Variants in PIEZO2 observed in about 807,000 individuals in gnomAD.
PIEZO2 encodes piezo-type mechanosensitive ion channel component 2.
PIEZO2 carries 172 observed loss-of-function variants against 337.3 expected under a neutral mutation model. The ratio of observed to expected loss-of-function variants is 0.51; its 90% confidence interval spans 0.45 to 0.58. PIEZO2 has a LOEUF of 0.58. PIEZO2 is among the 20% of genes least tolerant of loss of function. The probability of loss-of-function intolerance (pLI) is 0.00; values close to 1 mark genes in which losing one functional copy is unlikely to be tolerated. For missense variants in PIEZO2, 3,028 were observed against 3,391.3 expected, an observed-to-expected ratio of 0.89 and a Z score of 2.66; for synonymous variants, 1,251 against 1,228.5, an observed-to-expected ratio of 1.02 and a Z score of -0.38.
rs1305936696 is a variant in PIEZO2 at position 11,131,593 on chromosome 18, G to A, written c.64+16932C>T. Among the ~76,000 whole-genome samples the A allele has an allele frequency of 6.6e-6, 1 of 152,220 alleles. No homozygotes were observed. The highest frequency in any genetic ancestry group is 1.5e-5 in the Non-Finnish European group (1 of 68,044). On this transcript the variant is annotated intron_variant, in intron 1 of 55. Coordinates refer to ENST00000674853, the MANE Select transcript of PIEZO2 (RefSeq NM_001378183.1). The surrounding 1 kb of genome is among the most constrained non-coding windows in gnomAD (Gnocchi z 5.3). ...GGCAGAACTTCGAGCCATGCACCTG[G>A]CTGTGCACGTTGCATGGAAGAAGAA...
rs1009601313 is a variant in PIEZO2 at position 10,713,639 on chromosome 18, C to T, written c.5423+1125G>A. 3.9e-5 allele frequency among the ~76,000 whole-genome samples: 6 copies of T among 152,182 alleles called. No homozygotes were observed. The highest frequency in any genetic ancestry group is 7.4e-5 in the Non-Finnish European group (5 of 68,018). On this transcript the variant is annotated intron_variant, in intron 39 of 55. Transcript: ENST00000674853. The surrounding 1 kb of genome is among the most constrained non-coding windows in gnomAD (Gnocchi z 4.5). ...GGGAATGGCCTTATCTCAGTTCTTC[C>T]TAGGCTCAAACCATTTAGGGGATTA...
chr18:10,692,724 T>A (rs1248602396), intron 47 of PIEZO2, among the ~76,000 whole-genome samples: 1 of 152,248 alleles, frequency 6.6e-6, no homozygotes, highest in East Asian at 1.9e-4. Context: ...CATTGTTCTG[T>A]TCGTCTGAAT....
rs186229008 is a variant in PIEZO2 at position 10,805,014 on chromosome 18, C to T, written c.1081-1020G>A. Reference sequence around the variant, plus strand: ...TGGCCTATAGCCTAGAAGGTCTTCCCGGCTCTCTCTCTGCTACCTTTGCTT... The same window carrying T: ...TGGCCTATAGCCTAGAAGGTCTTCCTGGCTCTCTCTCTGCTACCTTTGCTT... On this transcript the variant is annotated intron_variant, in intron 8 of 55. Transcript: ENST00000674853. 1.5e-3 allele frequency among the ~76,000 whole-genome samples: 231 copies of T among 152,202 alleles called. 6 individuals are homozygous for T. The highest frequency in any genetic ancestry group is 4.0e-4 in the Non-Finnish European group (27 of 68,018).
In PIEZO2 at chr18:10,982,352, C is replaced by T. The variant is rs72868840; in HGVS notation, c.161-2692G>A. ...TAACCTAAAAAAGAATGCTTAAGAC[C>T]GTTCTTGACAAAATTGTAAAAAAAA... On this transcript the variant is annotated intron_variant, in intron 2 of 55. Transcript: ENST00000674853. The surrounding 1 kb of genome is among the most constrained non-coding windows in gnomAD (Gnocchi z 4.1). 3.6e-3 allele frequency among the ~76,000 whole-genome samples: 543 copies of T among 151,230 alleles called. 1 individual carries two copies. The highest frequency in any genetic ancestry group is 6.5e-3 in the Non-Finnish European group (442 of 67,890).
chr18:11,139,812 T>C (rs754089042), intron 1 of PIEZO2, among the ~76,000 whole-genome samples: 8 of 152,188 alleles, frequency 5.3e-5, no homozygotes, highest in Non-Finnish European at 1.0e-4. Context: ...CTCTTTCTTT[T>C]GGTATGTCAA....
intron 2 of PIEZO2, among the ~76,000 whole-genome samples, chr18:11,044,511 T>C (rs1460278868): frequency 1.3e-5 from 2 of 152,202 alleles, no homozygotes; most frequent in South Asian, 4.1e-4. Context: ...AAGAGGAAGC[T>C]GTAGCCATTT....
At chr18:10,823,493 C>T (rs1370127079) in intron 7 of PIEZO2, among the ~76,000 whole-genome samples, 4 of 152,064 alleles carry the variant, frequency 2.6e-5, no homozygotes, top group Admixed American at 6.6e-5. Flanking sequence ...TTATCTAGAA[C>T]GTGTGAAAAA....
Position 10,781,848 on chromosome 18 carries a change from G to A in PIEZO2, c.2493-1482C>T, listed in dbSNP as rs974091078. Among the ~76,000 whole-genome samples, 12 of 151,992 alleles carry A rather than the reference G, an allele frequency of 7.9e-5. No homozygotes were observed. The highest frequency in any genetic ancestry group is 1.9e-4 in the African/African-American group (8 of 41,390). Reference sequence around the variant, plus strand: ...TGGAAATCAGCTTAACGAGCGAATCGGTTATTCCTGATCTGTGGGCCATTT... The same window carrying A: ...TGGAAATCAGCTTAACGAGCGAATCAGTTATTCCTGATCTGTGGGCCATTT... On this transcript the variant is annotated intron_variant, in intron 17 of 55. Transcript: ENST00000674853. This position sits in a 1 kb window ranked among gnomAD's most constrained non-coding sequence, Gnocchi z 4.1.
At chr18:10,696,581 GA>G in intron 45 of PIEZO2, 42 bp from the exon 46 acceptor site, 1 of 1,608,924 alleles carries the variant, frequency 6.2e-7, no homozygotes, top group Non-Finnish European at 8.5e-7. Flanking sequence ...CTTGTTTCAG[GA>G]AGGGCAGGAT....
Position 10,824,363 on chromosome 18 carries a change from G to C in PIEZO2, c.918-17089C>G, listed in dbSNP as rs1232916324. Reference sequence around the variant, plus strand: ...TTCCCATCTGCAGCTTTCTCTGCTGGAGTTTTTCAAAACTTCTTTAGGTTT... The same window carrying C: ...TTCCCATCTGCAGCTTTCTCTGCTGCAGTTTTTCAAAACTTCTTTAGGTTT... On this transcript the variant is annotated intron_variant, in intron 7 of 55. Transcript: ENST00000674853. The surrounding 1 kb of genome is among the most constrained non-coding windows in gnomAD (Gnocchi z 4.4). 6.6e-6 allele frequency among the ~76,000 whole-genome samples: 1 copy of C among 152,122 alleles called. No individual in the cohort carries two copies. The highest frequency in any genetic ancestry group is 1.5e-5 in the Non-Finnish European group (1 of 68,020).
At chr18:10,994,299 C>T (rs2035219036) in intron 2 of PIEZO2, among the ~76,000 whole-genome samples, 1 of 152,134 alleles carries the variant, frequency 6.6e-6, no homozygotes, top group Non-Finnish European at 1.5e-5. Context: ...TATAAACATG[C>T]ATATGCAAGT....
intron 28 of PIEZO2, among the ~76,000 whole-genome samples, chr18:10,751,035 A>G (rs753011299): frequency 2.0e-5 from 3 of 152,186 alleles, no homozygotes; most frequent in Non-Finnish European, 1.5e-5. Context: ...TTCAAATGGC[A>G]TCACCTCCAG....
At chr18:10,818,412 T>C (rs28391345) in intron 7 of PIEZO2, among the ~76,000 whole-genome samples, 2,293 of 152,342 alleles carry the variant, frequency 0.015, 59 homozygotes, top group African/African-American at 0.052. Context: ...ATGTCCTGAA[T>C]ATACACTTGT....
At chr18:11,064,942 G>C (rs998723319) in intron 2 of PIEZO2, among the ~76,000 whole-genome samples, 1 of 152,312 alleles carries the variant, frequency 6.6e-6, no homozygotes, top group South Asian at 2.1e-4. Context: ...CTTTAGGAAT[G>C]AGGCTGTGGT....
chr18:11,036,642 T>G (rs1009539882), intron 2 of PIEZO2, among the ~76,000 whole-genome samples: 3 of 152,042 alleles, frequency 2.0e-5, no homozygotes, highest in African/African-American at 7.2e-5. Context: ...GACAGACTTT[T>G]GCAGGCACTG....
At chr18:10,689,592 C>T in intron 49 of PIEZO2, 63 bp downstream of exon 49, 3 of 1,608,768 alleles carry the variant, frequency 1.9e-6, no homozygotes, top group Non-Finnish European at 2.6e-6. Flanking sequence ...TCACATTCAT[C>T]TTATAACCAG....
chr18:11,008,036 C>G (rs1046380924), intron 2 of PIEZO2, among the ~76,000 whole-genome samples: 1 of 152,178 alleles, frequency 6.6e-6, no homozygotes, highest in Non-Finnish European at 1.5e-5. Context: ...TCTTTCTCCT[C>G]ACTTGACAAG....
At chr18:10,936,366 C>T (rs991985231) in intron 3 of PIEZO2, among the ~76,000 whole-genome samples, 1 of 152,154 alleles carries the variant, frequency 6.6e-6, no homozygotes, top group Non-Finnish European at 1.5e-5. Context: ...TGGAATGTCT[C>T]CTGGAGTCTG....
rs1049780200 is a variant in PIEZO2 at position 10,833,429 on chromosome 18, C to T, written c.917+21924G>A. ...TAAAGCACTAACACTGGGCCCTGCC[C>T]CAGAACCCCTGGAATCTCCTGGGGC... is the stretch of plus-strand genomic sequence containing the variant. On this transcript the variant is annotated intron_variant, in intron 7 of 55. Transcript: ENST00000674853. This position sits in a 1 kb window ranked among gnomAD's most constrained non-coding sequence, Gnocchi z 4.7. 5.3e-5 allele frequency among the ~76,000 whole-genome samples: 8 copies of T among 152,154 alleles called. No individual in the cohort carries two copies. Among genetic ancestry groups the T allele is most frequent in the Non-Finnish European group, 7.3e-5 (5 of 68,032 alleles).
Sources: gnomAD v4.1 joint callset for allele counts (sites outside exome capture counted in the v4.1 genomes callset) on GRCh38, gnomAD v4.1.1 for gene constraint, Gnocchi (gnomAD v3.1) non-coding constraint, MANE v1.5 for transcripts, NCBI Gene and HGNC (gene_info 2026-07-23, HGNC 2026-07-21) for gene names.